The following CTXND1 variants were observed in gnomAD, a reference collection of about 807,000 sequenced individuals.
The protein encoded by CTXND1 is cortexin domain containing 1.
Position 80,201,783 on chromosome 15 carries a change from T to G in CTXND1, c.167A>C (p.His56Pro). Reference sequence around the variant, plus strand: ...AGCCGCTGTGCCTCAGTCGTCCAGGTGCTGCTCCTCCCAGGTGGATGTGGG... The same window carrying G: ...AGCCGCTGTGCCTCAGTCGTCCAGGGGCTGCTCCTCCCAGGTGGATGTGGG... ...AIPTSTWEEQ[H>P]LDD Residue 56 changes from histidine (H) to proline (P), a missense_variant, in exon 3 of 3, where the codon CAC becomes CCC. Coordinates refer to ENST00000560778, the MANE Select transcript of CTXND1 (RefSeq NM_001352888.2). 2.5e-6 allele frequency: 1 copy of G among 398,904 alleles called. No individual in the cohort carries two copies. Among genetic ancestry groups the G allele is most frequent in the Non-Finnish European group, 4.4e-6 (1 of 226,296 alleles). The allele number at this position is 398,904 out of a possible 1,614,324, so 24.7% of individuals were successfully genotyped here.
In CTXND1 at chr15:80,195,529, C is replaced by T. The variant is rs2041415743; in HGVS notation, c.*6241G>A. On this transcript the variant is annotated 3_prime_UTR_variant, in exon 3 of 3. Coordinates refer to ENST00000560778, the MANE Select transcript of CTXND1 (RefSeq NM_001352888.2). ...ATTTGGCTCACGATTTTGGAGGCTGCAAAATACAAGATCAAGGAACCAGCA... is the reference window on the plus strand; with the variant it reads ...ATTTGGCTCACGATTTTGGAGGCTGTAAAATACAAGATCAAGGAACCAGCA... 1 of 152,112 alleles carries T rather than the reference C, an allele frequency of 6.6e-6. No homozygotes were observed. Among genetic ancestry groups the T allele is most frequent in the Non-Finnish European group, 1.5e-5 (1 of 68,022 alleles). The allele number at this position is 152,112 out of a possible 1,614,324, so 9.4% of individuals were successfully genotyped here.
At chr15:80,245,061 C>T (rs1483568598) in intron 1 of CTXND1, among the ~76,000 whole-genome samples, 2 of 152,158 alleles carry the variant, frequency 1.3e-5, no homozygotes, top group Non-Finnish European at 2.9e-5. Context: ...GTACCAGCCT[C>T]ACAGAGTCGG....
At chr15:80,250,056 T>G (rs1237534971) in intron 1 of CTXND1, among the ~76,000 whole-genome samples, 1 of 152,198 alleles carries the variant, frequency 6.6e-6, no homozygotes, top group Non-Finnish European at 1.5e-5. Flanking sequence ...ACATTTTCCT[T>G]GATACCATTT....
intron 1 of CTXND1, among the ~76,000 whole-genome samples, chr15:80,208,130 G>A (rs555697068): frequency 8.5e-4 from 129 of 151,452 alleles, no homozygotes; most frequent in African/African-American, 3.0e-3. Context: ...TTTGAAAGAC[G>A]TTCACTGCAG....
chr15:80,246,508 A>T (rs542593573), intron 1 of CTXND1, among the ~76,000 whole-genome samples: 2 of 152,244 alleles, frequency 1.3e-5, no homozygotes, highest in Non-Finnish European at 2.9e-5. Flanking sequence ...GCGTCATGAC[A>T]TTGGAGGCAG....
chr15:80,240,147 T>C (rs1893548849), intron 1 of CTXND1, among the ~76,000 whole-genome samples: 1 of 152,156 alleles, frequency 6.6e-6, no homozygotes, highest in Admixed American at 6.5e-5. Flanking sequence ...GTATTTTTAG[T>C]AGAGACGAGG....
At chr15:80,231,709 A>G (rs1291370223) in intron 1 of CTXND1, among the ~76,000 whole-genome samples, 2 of 152,146 alleles carry the variant, frequency 1.3e-5, no homozygotes, top group African/African-American at 4.8e-5. Context: ...CCTTCCAGGC[A>G]GAGTGTTGCC....
chr15:80,207,445 T>C (rs751999611), intron 1 of CTXND1, among the ~76,000 whole-genome samples: 4 of 152,242 alleles, frequency 2.6e-5, no homozygotes, highest in South Asian at 2.1e-4. Context: ...TTCCATTTGA[T>C]GCTTTAAAAC....
chr15:80,247,236 A>G (rs374846312), intron 1 of CTXND1, among the ~76,000 whole-genome samples: 27 of 151,994 alleles, frequency 1.8e-4, no homozygotes, highest in African/African-American at 6.0e-4. Flanking sequence ...TGATGACTAG[A>G]TCTCTCCCTT....
At chr15:80,210,440 C>T (rs2142124785) in intron 1 of CTXND1, among the ~76,000 whole-genome samples, 1 of 152,332 alleles carries the variant, frequency 6.6e-6, no homozygotes, top group Middle Eastern at 3.4e-3. Context: ...TCTTCCCTCT[C>T]GCAGCCAGAG....
At chr15:80,241,153 G>A (rs1051953989) in intron 1 of CTXND1, among the ~76,000 whole-genome samples, 21 of 152,186 alleles carry the variant, frequency 1.4e-4, no homozygotes, top group East Asian at 7.7e-4. Flanking sequence ...AGAGCTAAGC[G>A]ATGGAGGTGG....
chr15:80,229,007 C>T (rs539119209), intron 1 of CTXND1, among the ~76,000 whole-genome samples: 26 of 152,210 alleles, frequency 1.7e-4, no homozygotes, highest in African/African-American at 5.8e-4. Context: ...TTCAGATTAG[C>T]GATGCTTAGC....
rs1183919897 is a variant in CTXND1 at position 80,196,641 on chromosome 15, C to T, written c.*5129G>A. 1.3e-5 allele frequency: 2 copies of T among 152,184 alleles called. No individual in the cohort carries two copies. Among genetic ancestry groups the T allele is most frequent in the East Asian group, 3.8e-4 (2 of 5,202 alleles). 9.4% of individuals were successfully genotyped at this position (152,184 alleles called of 1,614,324 possible). On this transcript the variant is annotated 3_prime_UTR_variant, in exon 3 of 3. Transcript: ENST00000560778. ...GCTGCTGGTGAGATTTTATGTTTCC[C>T]CTGTGCCGGGGACAAAATATTTTTC...
chr15:80,212,573 T>C lies in CTXND1; in HGVS notation c.-217-8833A>G, dbSNP rs184275778. 1.4e-3 allele frequency among the ~76,000 whole-genome samples: 215 copies of C among 152,240 alleles called. 1 individual carries two copies. Among genetic ancestry groups the C allele is most frequent in the African/African-American group, 4.9e-3 (202 of 41,548 alleles). On this transcript the variant is annotated intron_variant, in intron 1 of 2. Coordinates refer to ENST00000560778, the MANE Select transcript of CTXND1 (RefSeq NM_001352888.2). ...ACTGGACAATCTTTTGCTAATGCTG[T>C]AAAACTTAGATGTGTCACTCGCAGA...
At chr15:80,250,351 A>G (rs1893679654) in intron 1 of CTXND1, among the ~76,000 whole-genome samples, 1 of 152,030 alleles carries the variant, frequency 6.6e-6, no homozygotes, top group Non-Finnish European at 1.5e-5. Context: ...TTTTCAGGCC[A>G]ATTAAAGTTC....
intron 1 of CTXND1, among the ~76,000 whole-genome samples, chr15:80,226,037 G>A (rs1893367921): frequency 6.6e-6 from 1 of 152,328 alleles, no homozygotes; most frequent in East Asian, 1.9e-4. Context: ...TGAAGCAATA[G>A]GTGGGTTTTA....
Position 80,242,408 on chromosome 15 carries a change from A to C in CTXND1, c.-218+9599T>G, listed in dbSNP as rs112975567. Reference sequence around the variant, plus strand: ...TGCTGGGCAGGAAGGGGAGGCAGAGATATGGCCCCGTCTGGCGCCTCCTCA... The same window carrying C: ...TGCTGGGCAGGAAGGGGAGGCAGAGCTATGGCCCCGTCTGGCGCCTCCTCA... On this transcript the variant is annotated intron_variant, in intron 1 of 2. Transcript: ENST00000560778. Among the ~76,000 whole-genome samples the C allele has an allele frequency of 3.7e-3, 571 of 152,350 alleles. 5 individuals carry two copies. The highest frequency in any genetic ancestry group is 0.013 in the African/African-American group (548 of 41,592).
At chr15:80,204,933 AAC>A (rs1478157951) in intron 1 of CTXND1, among the ~76,000 whole-genome samples, 1 of 152,224 alleles carries the variant, frequency 6.6e-6, no homozygotes, top group African/African-American at 2.4e-5. Flanking sequence ...ACAAAAAGAA[AAC>A]AGTCAAAGCA....
intron 1 of CTXND1, among the ~76,000 whole-genome samples, chr15:80,210,267 A>G (rs1278394753): frequency 6.6e-6 from 1 of 152,222 alleles, no homozygotes; most frequent in Non-Finnish European, 1.5e-5. Flanking sequence ...TAGCCAGTCC[A>G]CTGAAGTTTA....
Sources: gnomAD v4.1 joint callset for allele counts (sites outside exome capture counted in the v4.1 genomes callset) on GRCh38, gnomAD v4.1.1 for gene constraint, MANE v1.5 for transcripts, NCBI Gene and HGNC (gene_info 2026-07-23, HGNC 2026-07-21) for gene names.